The following PIGN variants were observed in gnomAD, a reference collection of about 807,000 sequenced individuals.
The protein encoded by PIGN is phosphatidylinositol glycan anchor biosynthesis class N.
Under a neutral mutation model 125.4 loss-of-function variants are expected in PIGN, and 117 were observed. The ratio of observed to expected loss-of-function variants is 0.93; its 90% CI spans 0.80 to 1.09. The LOEUF (loss-of-function observed/expected upper bound fraction) is 1.09. Among genes scored for constraint, PIGN ranks in the 50% least tolerant of loss-of-function variants. The pLI, the probability that PIGN is intolerant of heterozygous loss-of-function variation, is 0.00. For synonymous variants in PIGN, 392 were observed against 377.8 expected, an observed-to-expected ratio of 1.04 and a Z score of -0.44; for missense variants, 1,075 against 1,094.9, an observed-to-expected ratio of 0.98 and a Z score of 0.26.
chr18:62,157,697 T>C lies in PIGN; in HGVS notation c.333A>G (p.Ala111=), dbSNP rs771703385. 1.9e-6 allele frequency: 3 copies of C among 1,610,702 alleles called. No homozygotes were observed. Among genetic ancestry groups the C allele is most frequent in the Non-Finnish European group, 2.5e-6 (3 of 1,178,304 alleles). The change falls in exon 5 of 31, where the codon GCA becomes GCG. Residue 111 remains alanine (A), a synonymous_variant. Coordinates refer to ENST00000640252, the MANE Select transcript of PIGN (RefSeq NM_176787.5). ...CCAAATAGACAATACCTTTGGCAAC[T>C]GCACTGACATCTTCATAAAACCCAG... ...LIAGFYEDVS[A]VAKGWKENPV... is the part of the protein sequence containing the mutation.
chr18:62,033,066 C>T (rs143205905), intron 23 of PIGN, among the ~76,000 whole-genome samples: 20 of 152,294 alleles, frequency 1.3e-4, no homozygotes, highest in East Asian at 7.7e-4. Flanking sequence ...CCACAGAGGA[C>T]GCAGCCAAGG....
intron 30 of PIGN, among the ~76,000 whole-genome samples, chr18:62,049,561 G>A (rs905131401): frequency 1.1e-4 from 17 of 150,874 alleles, no homozygotes; most frequent in Non-Finnish European, 2.1e-4. Flanking sequence ...TTTTTTTCTT[G>A]TAAATTTGTT....
chr18:62,021,224 A>G (rs1335586932), intron 23 of PIGN, among the ~76,000 whole-genome samples: 2 of 152,220 alleles, frequency 1.3e-5, no homozygotes, highest in East Asian at 3.8e-4. Context: ...TTTACTTATT[A>G]AAAACCGCCA....
At chr18:62,018,713 C>T (rs2030012567) in intron 23 of PIGN, among the ~76,000 whole-genome samples, 2 of 152,152 alleles carry the variant, frequency 1.3e-5, no homozygotes, top group South Asian at 4.1e-4. Flanking sequence ...TTTCCAAGGC[C>T]TCCCAGACTG....
At chr18:62,098,511 T>G (rs1429478111) in intron 22 of PIGN, among the ~76,000 whole-genome samples, 4 of 152,204 alleles carry the variant, frequency 2.6e-5, no homozygotes, top group Non-Finnish European at 5.9e-5. Flanking sequence ...CTGTCCTTGT[T>G]TTACTTTTGT....
At chr18:62,152,934 T>C (rs2036593904) in intron 7 of PIGN, among the ~76,000 whole-genome samples, 2 of 151,944 alleles carry the variant, frequency 1.3e-5, no homozygotes, top group East Asian at 3.9e-4. Context: ...CTGGAAACTG[T>C]TTGGCTTGAA....
At chr18:62,146,104 T>C (rs1389356947) in intron 9 of PIGN, 79 bp from the exon 10 acceptor site, 2 of 619,904 alleles carry the variant, frequency 3.2e-6, no homozygotes, top group Non-Finnish European at 5.4e-6. Context: ...AAATAGTTTG[T>C]TTTAAAGAGT....
chr18:62,025,768 C>G (rs1035929173), intron 23 of PIGN, among the ~76,000 whole-genome samples: 25 of 152,304 alleles, frequency 1.6e-4, no homozygotes, highest in African/African-American at 5.8e-4. Flanking sequence ...AGTGTCTAAG[C>G]AGGAATATCC....
rs780284457 is a variant in PIGN at position 62,088,773 on chromosome 18, G to C, written c.2353C>G (p.Arg785Gly). Residue 785 changes from arginine to glycine, a missense_variant, in exon 25 of 31, where the codon CGT becomes GGT. Physicochemically the swap from Arg to Gly is moderately radical, Grantham distance 125. Around this residue, in one of 3 missense-constraint regions of PIGN, gnomAD observed 915 missense variants for 908.7 expected, o/e 1.01. Transcript: ENST00000640252. ...QFRQLYLDDIRRAFFLVFFLV... is the reference protein window; with the variant it reads ...QFRQLYLDDIGRAFFLVFFLV... ...AAGGATACAAGGAAAAAGGCCCTACGGATGTCATCCAGATATAGCTGTCGA... is the reference window on the plus strand; with the variant it reads ...AAGGATACAAGGAAAAAGGCCCTACCGATGTCATCCAGATATAGCTGTCGA... The C allele has an allele frequency of 7.1e-6, 11 of 1,558,628 alleles. No individual in the cohort carries two copies. Among genetic ancestry groups the C allele is most frequent in the Non-Finnish European group, 9.6e-6 (11 of 1,147,332 alleles).
intron 7 of PIGN, among the ~76,000 whole-genome samples, chr18:62,151,552 A>G (rs2036536390): frequency 6.6e-6 from 1 of 152,222 alleles, no homozygotes; most frequent in Admixed American, 6.5e-5. Flanking sequence ...GGCACTGTGC[A>G]TGCGGGCGCC....
rs1228879331 is a variant in PIGN, at chr18:62,043,119, AAAG to A, written c.*2734_*2736del. On this transcript the variant is annotated 3_prime_UTR_variant, in exon 31 of 31. Coordinates refer to ENST00000640252, the MANE Select transcript of PIGN (RefSeq NM_176787.5). ...TGATCAAGTTATCTCTGGTCTCTTA[AAAG>A]AAGGAGTTCTCAGAACTGGTCTGAA... 10 of 152,324 alleles carry A rather than the reference AAAG, an allele frequency of 6.6e-5. No individual in the cohort carries two copies. Among genetic ancestry groups the A allele is most frequent in the Non-Finnish European group, 1.2e-4 (8 of 68,032 alleles). 9.4% of individuals were successfully genotyped at this position (152,324 alleles called of 1,614,324 possible). A position where few individuals can be genotyped will look rare whatever the true frequency, so the allele number is the denominator to read the frequency against.
intron 12 of PIGN, 63 bp from the exon 13 acceptor site, chr18:62,139,138 C>A: frequency 2.1e-6 from 2 of 937,004 alleles, no homozygotes; most frequent in Non-Finnish European, 1.7e-6. Context: ...CCTTATAAAA[C>A]AAAACAGACT....
At chr18:62,097,805 A>C (rs1283346941) in intron 22 of PIGN, among the ~76,000 whole-genome samples, 2 of 151,992 alleles carry the variant, frequency 1.3e-5, no homozygotes, top group African/African-American at 4.8e-5. Context: ...CATGCATGAG[A>C]GATGTATCGA....
At chr18:62,143,686 A>G (rs1339170831) in intron 10 of PIGN, among the ~76,000 whole-genome samples, 1 of 152,198 alleles carries the variant, frequency 6.6e-6, no homozygotes, top group African/African-American at 2.4e-5. Context: ...AACTCATTAC[A>G]ATCCTGTTCT....
Sources: gnomAD v4.1 joint callset for allele counts (sites outside exome capture counted in the v4.1 genomes callset) on GRCh38, gnomAD v4.1.1 for gene constraint, gnomAD v4.1.1 regional missense constraint, MANE v1.5 for transcripts, NCBI Gene and HGNC (gene_info 2026-07-23, HGNC 2026-07-21) for gene names.